The following CD96 variants were observed in gnomAD, a reference collection of about 807,000 sequenced individuals.
The protein encoded by CD96 is T-cell surface protein tactile.
Under a neutral mutation model 71.3 loss-of-function variants are expected in CD96, and 70 were observed. That is an observed-to-expected ratio of 0.98 (90% confidence interval 0.81 to 1.20). The LOEUF (loss-of-function observed/expected upper bound fraction) is 1.20. Among genes scored for constraint, CD96 ranks in the 50% most tolerant of loss-of-function variants. The pLI, the probability that CD96 is intolerant of heterozygous loss-of-function variation, is 0.00. For synonymous variants in CD96, 248 were observed against 233.0 expected (o/e 1.06, Z -0.59); for missense variants, 742 against 677.5 (o/e 1.10, Z -1.06).
At chr3:111,655,587 T>C (rs924980238), downstream of CD96, among the ~76,000 whole-genome samples, 1 of 152,144 alleles carries the variant, frequency 6.6e-6, no homozygotes, top group African/African-American at 2.4e-5. Context: ...ATCTGAGACA[T>C]AGTGATGGGA....
At chr3:111,574,240 G>A (rs534846968) in intron 3 of CD96, among the ~76,000 whole-genome samples, 1 of 152,242 alleles carries the variant, frequency 6.6e-6, no homozygotes, top group African/African-American at 2.4e-5. Context: ...CTAAATCAAG[G>A]AGGTTGAACA....
At chr3:111,586,321 C>A (rs994280477) in intron 5 of CD96, among the ~76,000 whole-genome samples, 1 of 152,050 alleles carries the variant, frequency 6.6e-6, no homozygotes, top group South Asian at 2.1e-4. Flanking sequence ...CTTCTCGCAC[C>A]AATAACATTA....
chr3:111,646,973 C>A (rs1323035164), intron 12 of CD96, among the ~76,000 whole-genome samples: 1 of 151,398 alleles, frequency 6.6e-6, no homozygotes, highest in Non-Finnish European at 1.5e-5. Flanking sequence ...GAATAGAAAA[C>A]CATCTACAGC....
At chr3:111,556,345 C>A (rs1456881318) in intron 2 of CD96, among the ~76,000 whole-genome samples, 2 of 105,092 alleles carry the variant, frequency 1.9e-5, no homozygotes, top group African/African-American at 7.3e-5. Context: ...CCAATGCTAT[C>A]CCTCCCCCCT....
intron 14 of CD96, among the ~76,000 whole-genome samples, chr3:111,665,063 A>G (rs1018091144): frequency 6.6e-6 from 1 of 152,226 alleles, no homozygotes; most frequent in Non-Finnish European, 1.5e-5. Context: ...ATACATACAT[A>G]CATGCATGTA....
intron 13 of CD96, 126 bp downstream of exon 13, chr3:111,647,792 G>A: frequency 1.4e-6 from 1 of 730,306 alleles, no homozygotes; most frequent in Non-Finnish European, 2.3e-6. Context: ...GCTCACAGAA[G>A]CTCAGAGAGA....
In CD96 at chr3:111,606,693, C is replaced by T. The variant is rs1937635365; in HGVS notation, c.1088-7C>T. ...GTTCATTATAAATCTCTTTCTAATC[C>T]TTTAAGGTTCTGAAATTTCCTCAAC... On this transcript the variant is annotated splice_region_variant and splice_polypyrimidine_tract_variant and intron_variant, in intron 7 of 13. Coordinates refer to ENST00000352690, the MANE Select transcript of CD96 (RefSeq NM_005816.5). 1 of 1,427,184 alleles carries T rather than the reference C, an allele frequency of 7.0e-7. No homozygotes were observed. Among genetic ancestry groups the T allele is most frequent in the East Asian group, 2.3e-5 (1 of 44,008 alleles). The allele number at this position is 1,427,184 out of a possible 1,614,324, so 88.4% of individuals were successfully genotyped here.
chr3:111,601,892 A>G (rs1296824924), intron 7 of CD96, among the ~76,000 whole-genome samples: 1 of 152,222 alleles, frequency 6.6e-6, no homozygotes, highest in East Asian at 1.9e-4. Flanking sequence ...GCATAAATCT[A>G]TCCCTACTAC....
chr3:111,546,935 C>CACACACACACACACACACAT (rs1934437697), intron 2 of CD96, among the ~76,000 whole-genome samples: 1 of 151,542 alleles, frequency 6.6e-6, no homozygotes, highest in Non-Finnish European at 1.5e-5. Context: ...CACACACACA[C>CACACACACACACACACACAT]ACACACACAC....
rs754038750 is a variant in CD96, at chr3:111,661,710, G to A, written c.*53-3817G>A. On this transcript the variant is annotated intron_variant and NMD_transcript_variant, in intron 14 of 14. Coordinates refer to the CD96 transcript ENST00000494798. ...ACATCCAGGTCACACTGATGCAAAG[G>A]GTGGGCTCCCAAGGCCTTGGAAAGC... Among the ~76,000 whole-genome samples, 4 of 152,368 alleles carry A rather than the reference G, an allele frequency of 2.6e-5. No individual in the cohort carries two copies. In the East Asian group the frequency reaches 7.7e-4, roughly 29 times the overall value.
chr3:111,612,163 G>A (rs766037069), intron 8 of CD96, among the ~76,000 whole-genome samples: 4 of 152,136 alleles, frequency 2.6e-5, no homozygotes, highest in Non-Finnish European at 5.9e-5. Flanking sequence ...GTATATGGTA[G>A]GTGATAGTTG....
At chr3:111,588,877 C>T (rs1428618050) in intron 5 of CD96, among the ~76,000 whole-genome samples, 1 of 151,584 alleles carries the variant, frequency 6.6e-6, no homozygotes, top group Non-Finnish European at 1.5e-5. Context: ...TATTAGTGAA[C>T]TTCATTTCAA....
At chr3:111,644,408 T>G (rs1369537666) in intron 12 of CD96, among the ~76,000 whole-genome samples, 2 of 152,064 alleles carry the variant, frequency 1.3e-5, no homozygotes, top group African/African-American at 4.8e-5. Context: ...CAGGCAAGGA[T>G]TTCATGACCA....
intron 3 of CD96, among the ~76,000 whole-genome samples, chr3:111,568,471 A>T (rs559744560): frequency 5.3e-5 from 8 of 152,338 alleles, no homozygotes; most frequent in South Asian, 2.1e-4. Flanking sequence ...GTTGCTTAAC[A>T]TGCTTAACAT....
chr3:111,543,353 C>G (rs950341324), intron 1 of CD96, among the ~76,000 whole-genome samples: 1 of 152,158 alleles, frequency 6.6e-6, no homozygotes. Flanking sequence ...TTTTAAGTGT[C>G]CTGTATCACT....
intron 8 of CD96, among the ~76,000 whole-genome samples, chr3:111,614,416 G>C (rs193006916): frequency 2.0e-5 from 3 of 152,242 alleles, no homozygotes; most frequent in Non-Finnish European, 2.9e-5. Flanking sequence ...CTCTGGATGA[G>C]GAGAATAAAA....
chr3:111,648,492 G>A (rs1576434787), intron 13 of CD96, among the ~76,000 whole-genome samples: 1 of 152,066 alleles, frequency 6.6e-6, no homozygotes, highest in African/African-American at 2.4e-5. Flanking sequence ...ACTACAATTT[G>A]GCCACCACAT....
At chr3:111,555,954 T>C (rs1430323282) in intron 2 of CD96, among the ~76,000 whole-genome samples, 1 of 152,300 alleles carries the variant, frequency 6.6e-6, no homozygotes, top group Non-Finnish European at 1.5e-5. Context: ...TTCATTTCTT[T>C]CAATCCTTTT....
At chr3:111,598,009 G>C (rs1307686178) in intron 5 of CD96, 111 bp from the exon 6 acceptor site, 1 of 733,474 alleles carries the variant, frequency 1.4e-6, no homozygotes, top group Non-Finnish European at 2.5e-6. Context: ...TATTTATTCA[G>C]TTAAAAATGG....
Sources: allele counts gnomAD v4.1 joint callset (sites outside exome capture counted in the v4.1 genomes callset), GRCh38; gene constraint gnomAD v4.1.1; transcripts MANE v1.5; gene names NCBI Gene and HGNC (gene_info 2026-07-23, HGNC 2026-07-21).